Variants in PEX1 observed in about 807,000 individuals in gnomAD.
PEX1 encodes peroxisomal biogenesis factor 1, also known as peroxisomal ATPase PEX1.
In PEX1, 97 loss-of-function variants were observed where a neutral mutation model predicts 152.5. The observed-to-expected ratio is 0.64, with a 90% CI of 0.54 to 0.75. PEX1 has a LOEUF of 0.75. Ranked by LOEUF, PEX1 falls within the 30% of genes least tolerant of loss-of-function variation. PEX1 has a pLI of 0.00. For missense variants in PEX1, 1,357 were observed against 1,516.3 expected (o/e 0.89, Z 1.74); for synonymous variants, 485 against 531.6 (o/e 0.91, Z 1.21).
At position 92,501,562 on chromosome 7, in the gene PEX1, C is replaced by T. The variant is rs61750420; in HGVS notation, c.2528G>A (p.Gly843Asp). The change falls in exon 15 of 24, where the codon GGT (glycine) becomes GAT (aspartate). Residue 843 changes from glycine to aspartate, a missense_variant. Coordinates refer to ENST00000248633, the MANE Select transcript of PEX1 (RefSeq NM_000466.3). ...KPRDLGWDKI[G>D]GLHEVRQILM... ...TATCTGCCTAACTTCATGTAACCCACCAATCTTGTCCCAACCCAGGTCTCT... is the reference window on the plus strand; with the variant it reads ...TATCTGCCTAACTTCATGTAACCCATCAATCTTGTCCCAACCCAGGTCTCT... 5.4e-4 allele frequency: 878 copies of T among 1,613,840 alleles called. No individual in the cohort carries two copies. The highest frequency in any genetic ancestry group is 7.1e-4 in the Non-Finnish European group (839 of 1,179,902).
At chr7:92,506,606 T>C (rs1446537944) in intron 10 of PEX1, 45 of 522,674 alleles carry the variant, frequency 8.6e-5, no homozygotes, top group South Asian at 8.4e-4. Context: ...AACAGAACAT[T>C]AGCAGATAAA....
intron 1 of PEX1, among the ~76,000 whole-genome samples, chr7:92,522,683 T>C (rs1793103371): frequency 6.6e-6 from 1 of 152,216 alleles, no homozygotes; most frequent in South Asian, 2.1e-4. Context: ...AATTATTAAA[T>C]AAGATATAAA....
At chr7:92,521,965 CCTAGA>C in intron 2 of PEX1, 132 bp downstream of exon 2, 1 of 815,914 alleles carries the variant, frequency 1.2e-6, no homozygotes, top group East Asian at 2.6e-5. Context: ...GCTTCAATAT[CCTAGA>C]CTAGTTACAT....
In PEX1 at chr7:92,489,418, G is replaced by A. The variant is rs777384403; in HGVS notation, c.3642C>T (p.Asp1214=). ...KGRYRSQSGE[D]ESMNQPGPIK... ...TTGGTCCTGGTTGGTTCATGGATTC[G>A]TCCTCCTTAAGTAAAAAAAGAAATT... Residue 1214 remains aspartate (D), a synonymous_variant, in exon 23 of 24, where the codon GAC becomes GAT. Transcript: ENST00000248633. 36 of 1,611,998 alleles carry A rather than the reference G, an allele frequency of 2.2e-5. No individual in the cohort carries two copies. Among genetic ancestry groups the A allele is most frequent in the Middle Eastern group, 1.6e-4 (1 of 6,078 alleles).
chr7:92,504,637 T>A (rs545322857), intron 12 of PEX1, 95 bp downstream of exon 12: 24 of 1,218,704 alleles, frequency 2.0e-5, no homozygotes, highest in Admixed American at 3.8e-5. Context: ...ACATAACACA[T>A]ATATTATTCT....
intron 14 of PEX1, 46 bp from the exon 15 acceptor site, chr7:92,501,719 T>C (rs1171720219): frequency 1.3e-6 from 2 of 1,527,536 alleles, no homozygotes; most frequent in African/African-American, 1.4e-5. Flanking sequence ...ATATTCACTA[T>C]ATGAATTTTC....
Position 92,510,970 on chromosome 7 carries a change from T to C in PEX1, c.1561A>G (p.Asn521Asp). The change falls in exon 8 of 24, where the codon AAT (asparagine) becomes GAT (aspartate). Residue 521 changes from asparagine to aspartate, a missense_variant. Asn to Asp is a conservative substitution (Grantham distance 23). Coordinates refer to ENST00000248633, the MANE Select transcript of PEX1 (RefSeq NM_000466.3). The stretch of plus-strand genomic sequence containing the variant: ...TGTATTGTAGTCTTCTGCAGCAAAT[T>C]GGGACTCAACAGAAAAATATTTTTA... ...KDKNIFLLSP[N>D]LLQKTTIQVL... 6.4e-7 allele frequency: 1 copy of C among 1,564,122 alleles called. No individual in the cohort carries two copies. The highest frequency in any genetic ancestry group is 2.2e-5 in the East Asian group (1 of 44,508).
At chr7:92,508,051 C>T (rs974868273) in intron 9 of PEX1, among the ~76,000 whole-genome samples, 2 of 152,098 alleles carry the variant, frequency 1.3e-5, no homozygotes, top group Non-Finnish European at 2.9e-5. Context: ...ACACCTCTAG[C>T]CCCCAAATGA....
At chr7:92,491,658 G>A in intron 20 of PEX1, 156 bp from the exon 21 acceptor site, 2 of 597,996 alleles carry the variant, frequency 3.3e-6, no homozygotes, top group South Asian at 4.0e-5. Context: ...TGAGGCACAT[G>A]GTAAAAATTT....
intron 6 of PEX1, among the ~76,000 whole-genome samples, chr7:92,512,341 A>AT (rs1232572698): frequency 6.6e-6 from 1 of 150,970 alleles, no homozygotes; most frequent in Non-Finnish European, 1.5e-5. Context: ...ATTTAAAAAA[A>AT]TTTTTTTTGA....
intron 23 of PEX1, 57 bp from the exon 24 acceptor site, chr7:92,487,598 G>C: frequency 1.4e-6 from 1 of 739,688 alleles, no homozygotes; most frequent in Non-Finnish European, 2.3e-6. Flanking sequence ...CAAAACAAAA[G>C]ATAATGGATT....
Position 92,501,679 on chromosome 7 carries a change from TA to T in PEX1, c.2417-7del, listed in dbSNP as rs754295194. 4 of 1,610,306 alleles carry T rather than the reference TA, an allele frequency of 2.5e-6. No individual in the cohort carries two copies. The highest frequency in any genetic ancestry group is 3.4e-6 in the Non-Finnish European group (4 of 1,176,828). ...CAATGTTGTTAAAACTAATTCTGTT[TA>T]AAAATAAACAAAACTTCTTTTACTA... On this transcript the variant is annotated splice_polypyrimidine_tract_variant and splice_region_variant and intron_variant, in intron 14 of 23. Transcript: ENST00000248633.
At chr7:92,506,870 C>T (rs1792214685) in intron 10 of PEX1, 124 bp downstream of exon 10, 17 of 897,692 alleles carry the variant, frequency 1.9e-5, no homozygotes, top group Middle Eastern at 2.2e-4. Context: ...TTCCATATGT[C>T]GTATAAACCC....
chr7:92,526,217 G>C (rs192091832), intron 1 of PEX1, among the ~76,000 whole-genome samples: 6 of 152,206 alleles, frequency 3.9e-5, no homozygotes, highest in Non-Finnish European at 8.8e-5. Context: ...GTGCATCCAA[G>C]TAGCCTGAAT....
chr7:92,509,164 T>C (rs1457323670), intron 9 of PEX1, among the ~76,000 whole-genome samples, 165 bp downstream of exon 9: 1 of 151,796 alleles, frequency 6.6e-6, no homozygotes, highest in Non-Finnish European at 1.5e-5. Context: ...AGGCAAATTA[T>C]AAGCTAGGCG....
intron 9 of PEX1, 121 bp downstream of exon 9, chr7:92,509,208 C>A: frequency 4.4e-6 from 3 of 675,326 alleles, no homozygotes; most frequent in Non-Finnish European, 8.0e-6. Context: ...AAAATATCTA[C>A]TGATGCATTA....
intron 19 of PEX1, 140 bp from the exon 20 acceptor site, chr7:92,493,269 A>G: frequency 1.9e-6 from 1 of 522,282 alleles, no homozygotes; most frequent in Non-Finnish European, 3.3e-6. Context: ...ATGTACCAAC[A>G]GCCTACTATT....
rs191392683 is a variant in PEX1, at chr7:92,495,193, G to A, written c.2784-564C>T. Among the ~76,000 whole-genome samples the A allele has an allele frequency of 4.7e-4, 71 of 151,666 alleles. No individual in the cohort carries two copies. In the East Asian group the frequency reaches 0.012, roughly 25 times the overall value. On this transcript the variant is annotated intron_variant, in intron 17 of 23. Coordinates refer to ENST00000248633, the MANE Select transcript of PEX1 (RefSeq NM_000466.3). ...TTACTTTTTTAATAATTTGAACTTTGACTTTGTTTTATTAATTTATTAACA... is the reference window on the plus strand; with the variant it reads ...TTACTTTTTTAATAATTTGAACTTTAACTTTGTTTTATTAATTTATTAACA...
At chr7:92,502,264 T>C (rs1419306061) in intron 13 of PEX1, among the ~76,000 whole-genome samples, 185 bp from the exon 14 acceptor site, 1 of 152,094 alleles carries the variant, frequency 6.6e-6, no homozygotes, top group East Asian at 1.9e-4. Context: ...GTGATGAAAA[T>C]GTTTGTTTCC....
Sources: gnomAD v4.1 joint callset for allele counts (sites outside exome capture counted in the v4.1 genomes callset) on GRCh38, gnomAD v4.1.1 for gene constraint, MANE v1.5 for transcripts, NCBI Gene and HGNC (gene_info 2026-07-23, HGNC 2026-07-21) for gene names.